PLAAT3: variants seen among roughly 807,000 people sequenced by gnomAD.
The protein encoded by PLAAT3 is Ca-independent phospholipase A1/2.
Under a neutral mutation model 16.7 loss-of-function variants are expected in PLAAT3, and 21 were observed. The observed-to-expected ratio is 1.26, with a 90% CI of 0.89 to 1.81. The LOEUF is 1.81. PLAAT3 is among the 40% of genes most tolerant of loss of function. PLAAT3 has a pLI of 0.00. For synonymous variants in PLAAT3, 76 were observed against 81.7 expected (o/e 0.93, Z 0.38); for missense variants, 219 against 213.7 (o/e 1.02, Z -0.16).
upstream of PLAAT3, among the ~76,000 whole-genome samples, chr11:63,615,014 C>A (rs1214323802): frequency 3.1e-5 from 1 of 32,632 alleles, no homozygotes; most frequent in African/African-American, 5.7e-5. Flanking sequence ...AACTCAGTCT[C>A]AAAATATATA....
chr11:63,587,921 G>A (rs550471449), intron 4 of PLAAT3, among the ~76,000 whole-genome samples: 5 of 152,238 alleles, frequency 3.3e-5, no homozygotes, highest in African/African-American at 1.2e-4. Flanking sequence ...AGTGTGACAA[G>A]AGACAAATGT....
chr11:63,589,318 G>A (rs1393987561), intron 4 of PLAAT3, among the ~76,000 whole-genome samples: 1 of 151,010 alleles, frequency 6.6e-6, no homozygotes, highest in East Asian at 1.9e-4. Context: ...ACAGCCTGAT[G>A]GATCTTAAGC....
At position 63,594,606 on chromosome 11, in the gene PLAAT3, C is replaced by A. The variant is rs114786438; in HGVS notation, c.118+3455G>T. 5.4e-3 allele frequency among the ~76,000 whole-genome samples: 811 copies of A among 148,956 alleles called. 6 individuals carry two copies. Among genetic ancestry groups the A allele is most frequent in the African/African-American group, 0.019 (749 of 40,374 alleles). ...AGAGTCTGAGAGCAAAACTCCATCT[C>A]AAAAAAAAGAAAAAAAGAAAAAGAA... On this transcript the variant is annotated intron_variant, in intron 3 of 4. Transcript: ENST00000415826.
intron 3 of PLAAT3, among the ~76,000 whole-genome samples, chr11:63,595,325 CAGCTCT>C (rs977910812): frequency 1.4e-5 from 2 of 146,216 alleles, no homozygotes; most frequent in African/African-American, 5.0e-5. Flanking sequence ...GTGTCTATAA[CAGCTCT>C]ATTCATAGCA....
At chr11:63,582,908 G>A (rs889277424) in intron 4 of PLAAT3, among the ~76,000 whole-genome samples, 13 of 152,094 alleles carry the variant, frequency 8.5e-5, no homozygotes, top group African/African-American at 7.2e-5. Flanking sequence ...CGAGGCAGGC[G>A]GATGATGAGG....
intron 2 of PLAAT3, among the ~76,000 whole-genome samples, chr11:63,604,515 C>T (rs1011334178): frequency 2.0e-5 from 3 of 152,030 alleles, no homozygotes; most frequent in African/African-American, 7.2e-5. Context: ...GTAATCCCAG[C>T]ACTTTGGGAG....
intron 2 of PLAAT3, among the ~76,000 whole-genome samples, chr11:63,601,793 T>A (rs954519995): frequency 1.3e-5 from 2 of 151,964 alleles, no homozygotes; most frequent in Non-Finnish European, 2.9e-5. Flanking sequence ...CTGGCCAACA[T>A]GGTGAAGCCC....
intron 2 of PLAAT3, among the ~76,000 whole-genome samples, chr11:63,609,279 T>C (rs1474799864): frequency 6.6e-6 from 1 of 152,200 alleles, no homozygotes; most frequent in African/African-American, 2.4e-5. Context: ...GAGAAAAGAC[T>C]TCCCAGTTGG....
rs374054940 is a variant in PLAAT3 at position 63,590,444 on chromosome 11, G to A, written c.119-76C>T. 104 of 1,373,542 alleles carry A rather than the reference G, an allele frequency of 7.6e-5. 1 individual carries two copies. In the East Asian group the frequency reaches 8.0e-4, roughly 11 times the overall value. 85.1% of individuals were successfully genotyped at this position (1,373,542 alleles called of 1,614,324 possible). On this transcript the variant is annotated intron_variant, in intron 3 of 4. Coordinates refer to ENST00000415826, the MANE Select transcript of PLAAT3 (RefSeq NM_001128203.2). Reference sequence around the variant, plus strand: ...GGAGGCTCAGAGCTGGCCCCCAGCCGGGCATCTGCCCTTGGCTCATCCACA... The same window carrying A: ...GGAGGCTCAGAGCTGGCCCCCAGCCAGGCATCTGCCCTTGGCTCATCCACA...
intron 4 of PLAAT3, among the ~76,000 whole-genome samples, chr11:63,578,970 T>A (rs898219133): frequency 1.3e-5 from 2 of 152,088 alleles, no homozygotes; most frequent in African/African-American, 4.8e-5. Flanking sequence ...TCCAATCTAC[T>A]CATCTGACAA....
At chr11:63,580,368 A>G (rs1400572401) in intron 4 of PLAAT3, among the ~76,000 whole-genome samples, 2 of 152,208 alleles carry the variant, frequency 1.3e-5, no homozygotes, top group East Asian at 1.9e-4. Context: ...AAATACAGAA[A>G]TTATCGGCCA....
chr11:63,600,021 C>T (rs141542873), intron 2 of PLAAT3, among the ~76,000 whole-genome samples: 3 of 152,284 alleles, frequency 2.0e-5, no homozygotes, highest in South Asian at 2.1e-4. Flanking sequence ...CACTCTGTTG[C>T]CCAGGCTGGA....
At chr11:63,589,293 T>A (rs933555628) in intron 4 of PLAAT3, among the ~76,000 whole-genome samples, 7 of 147,554 alleles carry the variant, frequency 4.7e-5, no homozygotes, top group Non-Finnish European at 8.9e-5. Context: ...TCAAAAAAAA[T>A]AATAATAAAA....
At chr11:63,584,481 T>C (rs1937908508) in intron 4 of PLAAT3, among the ~76,000 whole-genome samples, 1 of 151,306 alleles carries the variant, frequency 6.6e-6, no homozygotes, top group African/African-American at 2.4e-5. Flanking sequence ...TCTCAGGAAA[T>C]TTGATTAATC....
At chr11:63,582,095 C>CT (rs1233608973) in intron 4 of PLAAT3, among the ~76,000 whole-genome samples, 13 of 152,316 alleles carry the variant, frequency 8.5e-5, no homozygotes, top group Admixed American at 7.2e-4. Flanking sequence ...AAATAATGCA[C>CT]TTATCAATCC....
intron 4 of PLAAT3, among the ~76,000 whole-genome samples, chr11:63,583,924 G>A (rs989961133): frequency 6.6e-6 from 1 of 152,194 alleles, no homozygotes; most frequent in Admixed American, 6.5e-5. Context: ...AAAAGAAAGT[G>A]CTAATGTGCT....
chr11:63,598,413 G>A (rs750269495), intron 2 of PLAAT3, among the ~76,000 whole-genome samples: 13 of 152,334 alleles, frequency 8.5e-5, no homozygotes, highest in Non-Finnish European at 1.6e-4. Flanking sequence ...TTCTTCATGA[G>A]CTGGAGTCTC....
chr11:63,576,886 G>A (rs1010189141), intron 4 of PLAAT3, among the ~76,000 whole-genome samples: 3 of 152,092 alleles, frequency 2.0e-5, no homozygotes, highest in Non-Finnish European at 4.4e-5. Context: ...CTTTACACAA[G>A]TACCACTTGA....
chr11:63,606,425 AACACACACACACACACAC>A lies in PLAAT3; in HGVS notation c.15+7557_15+7574del, dbSNP rs34044017. Among the ~76,000 whole-genome samples the A allele has an allele frequency of 1.6e-4, 22 of 140,216 alleles. 1 individual carries two copies. The highest frequency in any genetic ancestry group is 4.2e-4 in the Admixed American group (6 of 14,194). The allele number at this position is 140,216 out of a possible 152,430, so 92.0% of individuals were successfully genotyped here. On this transcript the variant is annotated intron_variant, in intron 2 of 4. Coordinates refer to ENST00000415826, the MANE Select transcript of PLAAT3 (RefSeq NM_001128203.2). Reference sequence around the variant, plus strand: ...TGGCAAAACCCCGTCTCTACTATAAAACACACACACACACACACACACACACACACACACACACCTTAG... The same window carrying A: ...TGGCAAAACCCCGTCTCTACTATAAAACACACACACACACACACACCTTAG...
Sources: gnomAD v4.1 joint callset for allele counts (sites outside exome capture counted in the v4.1 genomes callset) on GRCh38, gnomAD v4.1.1 for gene constraint, MANE v1.5 for transcripts, NCBI Gene and HGNC (gene_info 2026-07-23, HGNC 2026-07-21) for gene names.